The following DOCK11 variants were observed in gnomAD, a reference collection of about 807,000 sequenced individuals.
DOCK11 encodes the protein dedicator of cytokinesis protein 11.
A neutral mutation model predicts 169.1 loss-of-function variants in DOCK11; 70 were observed. That is an observed-to-expected ratio of 0.41 (90% confidence interval 0.34 to 0.51). The LOEUF is 0.51. DOCK11 is among the 20% of genes least tolerant of loss of function. The pLI, the probability that DOCK11 is intolerant of heterozygous loss-of-function variation, is 0.10. For missense variants in DOCK11, 1,166 were observed against 1,538.8 expected (o/e 0.76, Z 4.05); for synonymous variants, 529 against 541.3 (o/e 0.98, Z 0.32).
At chrX:118,589,067 G>A (rs988668401) in intron 18 of DOCK11, among the ~76,000 whole-genome samples, 1 of 111,310 alleles carries the variant, frequency 9.0e-6, no homozygotes, top group Non-Finnish European at 1.9e-5. Flanking sequence ...CATCTAGCCA[G>A]CAAGAAGTGT....
chrX:118,626,852 G>T (rs1227828241), intron 32 of DOCK11, among the ~76,000 whole-genome samples: 2 of 112,372 alleles, frequency 1.8e-5, no homozygotes, highest in Admixed American at 1.9e-4. Context: ...TGTATTCTTT[G>T]CAGCTCAAGT....
At chrX:118,591,109 C>T (rs2013979610) in intron 19 of DOCK11, among the ~76,000 whole-genome samples, 1 of 112,274 alleles carries the variant, frequency 8.9e-6, no homozygotes, top group Non-Finnish European at 1.9e-5. Flanking sequence ...TCTCAGTCCA[C>T]ATGTCTCCAT....
intron 1 of DOCK11, among the ~76,000 whole-genome samples, chrX:118,514,498 C>T (rs1384949271): frequency 9.0e-6 from 1 of 110,719 alleles, no homozygotes; most frequent in Non-Finnish European, 1.9e-5. Flanking sequence ...ATACCCAAAC[C>T]CATAAAAATG....
chrX:118,663,643 A>C (rs1048511229), intron 45 of DOCK11, among the ~76,000 whole-genome samples: 4 of 93,118 alleles, frequency 4.3e-5, no homozygotes, highest in Non-Finnish European at 8.6e-5. Context: ...TTTGGGCTTT[A>C]TTCAGTAGAA....
At position 118,681,800 on chromosome X, in the gene DOCK11, T is replaced by G; in HGVS notation, c.5963+6T>G. 1.7e-6 allele frequency: 2 copies of G among 1,174,860 alleles called. No individual in the cohort carries two copies. The highest frequency in any genetic ancestry group is 2.3e-6 in the Non-Finnish European group (2 of 871,964). ...GAGTTGAAAGACATGTTTAGGTAAG[T>G]GTTTTATAGTTTTCAGGTTAGACCC... On this transcript the variant is annotated splice_donor_region_variant and intron_variant, in intron 51 of 52. Coordinates refer to ENST00000276202, the MANE Select transcript of DOCK11 (RefSeq NM_144658.4).
chrX:118,659,804 G>A (rs543967293), intron 44 of DOCK11, among the ~76,000 whole-genome samples: 4 of 111,996 alleles, frequency 3.6e-5, no homozygotes, highest in East Asian at 2.8e-4. Flanking sequence ...AAGATACACC[G>A]GAAGACTCTA....
intron 6 of DOCK11, among the ~76,000 whole-genome samples, chrX:118,557,231 G>C (rs1036454780): frequency 9.0e-6 from 1 of 111,375 alleles, no homozygotes; most frequent in Non-Finnish European, 1.9e-5. Context: ...TTTGTATAGG[G>C]ATCACTCCAT....
chrX:118,618,385 T>G (rs1270246051), intron 30 of DOCK11, among the ~76,000 whole-genome samples, 165 bp from the exon 31 acceptor site: 1 of 112,198 alleles, frequency 8.9e-6, no homozygotes, highest in African/African-American at 3.2e-5. Flanking sequence ...TCTTGTAAAT[T>G]TTGCATGCTT....
intron 1 of DOCK11, among the ~76,000 whole-genome samples, chrX:118,507,629 C>T (rs2057622736): frequency 8.9e-6 from 1 of 112,049 alleles, no homozygotes; most frequent in Admixed American, 9.5e-5. Flanking sequence ...GAATTACAGG[C>T]ATGAGCCACC....
intron 46 of DOCK11, among the ~76,000 whole-genome samples, chrX:118,673,790 C>T (rs758858368): frequency 9.0e-6 from 1 of 111,379 alleles, no homozygotes; most frequent in South Asian, 3.8e-4. Context: ...ACACTCCATA[C>T]CCATTAAGTA....
chrX:118,525,755 A>C (rs765079968), intron 1 of DOCK11, among the ~76,000 whole-genome samples: 1 of 111,899 alleles, frequency 8.9e-6, no homozygotes, highest in African/African-American at 3.2e-5. Flanking sequence ...AATTAAGTTG[A>C]TTGTATGTTT....
Position 118,643,454 on chromosome X carries a change from T to C in DOCK11, c.4261-3T>C, listed in dbSNP as rs2015581171. The C allele has an allele frequency of 8.3e-7, 1 of 1,206,645 alleles. No homozygotes were observed. Among genetic ancestry groups the C allele is most frequent in the Admixed American group, 2.2e-5 (1 of 45,490 alleles). On this transcript the variant is annotated splice_polypyrimidine_tract_variant and splice_region_variant and intron_variant, in intron 39 of 52. Coordinates refer to ENST00000276202, the MANE Select transcript of DOCK11 (RefSeq NM_144658.4). Reference sequence around the variant, plus strand: ...ATAAACCATATTTTTTAATGTTTTATAGACCCAACTTTTAAATAATGATGG... The same window carrying C: ...ATAAACCATATTTTTTAATGTTTTACAGACCCAACTTTTAAATAATGATGG...
intron 20 of DOCK11, among the ~76,000 whole-genome samples, chrX:118,595,173 A>G (rs113106487): frequency 0.015 from 1,629 of 111,513 alleles, 24 homozygotes; most frequent in South Asian, 0.08. Context: ...GGAAGAAAGG[A>G]ACACCAGTTA....
chrX:118,543,026 C>T lies in DOCK11; in HGVS notation c.309+11C>T, dbSNP rs201262940. 7 of 1,148,636 alleles carry T rather than the reference C, an allele frequency of 6.1e-6. No individual in the cohort carries two copies. Among genetic ancestry groups the T allele is most frequent in the African/African-American group, 1.8e-5 (1 of 55,814 alleles). 94.7% of individuals were successfully genotyped at this position (1,148,636 alleles called of 1,213,427 possible). A position where few individuals can be genotyped will look rare whatever the true frequency, so the allele number is the denominator to read the frequency against. On this transcript the variant is annotated intron_variant, in intron 3 of 52. Transcript: ENST00000276202. ...TTATTTGTTAAAGAGGTAAGAGGCT[C>T]AAAGGCCACAGAAGAATATTCTTCA...
intron 12 of DOCK11, among the ~76,000 whole-genome samples, chrX:118,577,937 C>G (rs1226898207): frequency 8.9e-6 from 1 of 111,753 alleles, no homozygotes; most frequent in Non-Finnish European, 1.9e-5. Context: ...GGAGGTGTTC[C>G]TGTTCCACAT....
intron 45 of DOCK11, among the ~76,000 whole-genome samples, chrX:118,666,810 A>G (rs963673533): frequency 1.8e-5 from 2 of 111,561 alleles, no homozygotes; most frequent in African/African-American, 6.5e-5. Flanking sequence ...AAGTGGTTGG[A>G]CCGTTTTATA....
chrX:118,622,083 G>C (rs1220284890), intron 31 of DOCK11, among the ~76,000 whole-genome samples: 1 of 111,784 alleles, frequency 8.9e-6, no homozygotes, highest in Admixed American at 9.5e-5. Flanking sequence ...TCTACTTCTA[G>C]TTCGGCTGTG....
At chrX:118,516,000 G>T (rs868371232) in intron 1 of DOCK11, among the ~76,000 whole-genome samples, 2 of 821 alleles carry the variant, frequency 2.4e-3, no homozygotes, top group Non-Finnish European at 2.6e-3. Flanking sequence ...TAAGGATTTG[G>T]GCAAATATAT....
intron 45 of DOCK11, among the ~76,000 whole-genome samples, chrX:118,666,269 A>T (rs943225207): frequency 2.1e-4 from 24 of 112,143 alleles, no homozygotes; most frequent in African/African-American, 7.8e-4. Flanking sequence ...AAATAAAAAT[A>T]AAAATGATAT....
Sources: allele counts gnomAD v4.1 joint callset (sites outside exome capture counted in the v4.1 genomes callset), GRCh38; gene constraint gnomAD v4.1.1; transcripts MANE v1.5; gene names NCBI Gene and HGNC (gene_info 2026-07-23, HGNC 2026-07-21).